FAM161A: variants seen among roughly 807,000 people sequenced by gnomAD.
FAM161A encodes protein FAM161A.
A neutral mutation model predicts 70.9 loss-of-function variants in FAM161A; 57 were observed. The observed-to-expected ratio is 0.80, with a 90% CI of 0.65 to 1.00. FAM161A has a LOEUF of 1.00. FAM161A is among the 50% of genes least tolerant of loss of function. The probability of loss-of-function intolerance (pLI) is 0.00; values close to 1 mark genes in which losing one functional copy is unlikely to be tolerated. For synonymous variants in FAM161A, 299 were observed against 295.7 expected (o/e 1.01, Z -0.12); for missense variants, 880 against 836.0 (o/e 1.05, Z -0.65).
Position 61,853,882 on chromosome 2 carries a change from C to A in FAM161A, c.160G>T (p.Val54Leu). The A allele has an allele frequency of 6.2e-7, 1 of 1,613,974 alleles. No individual in the cohort carries two copies. Among genetic ancestry groups the A allele is most frequent in the Non-Finnish European group, 8.5e-7 (1 of 1,179,836 alleles). The change falls in exon 1 of 7, where the codon GTG (valine) becomes TTG (leucine). Residue 54 changes from valine (V) to leucine (L), a missense_variant. Transcript: ENST00000404929. ...ACCGATGCCCCAGCGGGCTGAGCCA[C>A]TTTCTCCTCCTCTTCGTCCTCCAAG... is the stretch of plus-strand genomic sequence containing the variant. ...AILEDEEEEK[V>L]AQPAGASADL...
chr2:61,810,288 G>A, the FAM161A span, among the ~76,000 whole-genome samples: 2 of 151,992 alleles, frequency 1.3e-5, no homozygotes, highest in Non-Finnish European at 2.9e-5. Context: ...ATTACTGTGG[G>A]CAGTTAAAGC....
At chr2:61,803,307 T>C in the FAM161A span, 10 of 644,698 alleles carry the variant, frequency 1.6e-5, no homozygotes, top group Admixed American at 1.2e-4. Context: ...CCTTGGATTA[T>C]GTAAAGTAAA....
intron 5 of FAM161A, among the ~76,000 whole-genome samples, chr2:61,832,945 T>G: frequency 6.6e-6 from 1 of 152,050 alleles, no homozygotes; most frequent in East Asian, 1.9e-4. Flanking sequence ...AGGACACTTG[T>G]GGGCTCCAGG....
intron 1 of FAM161A, among the ~76,000 whole-genome samples, chr2:61,844,535 C>T (rs368738970): frequency 6.6e-6 from 1 of 152,022 alleles, no homozygotes; most frequent in Non-Finnish European, 1.5e-5. Flanking sequence ...CCCCTCTCTA[C>T]TAAAAATACA....
intron 3 of FAM161A, among the ~76,000 whole-genome samples, chr2:61,838,906 G>A (rs191388585): frequency 1.8e-5 from 2 of 111,430 alleles, no homozygotes; most frequent in African/African-American, 7.6e-5. Context: ...TTTTTGAGAT[G>A]GAGTCTCGCT....
Position 61,825,639 on chromosome 2 carries a change from C to CTT in FAM161A, c.*814_*815dup, listed in dbSNP as rs759062810. ...TTGCAAGTATCCATTTTTTTCTATA[C>CTT]TTTTTTTTTTTTTTTGGAGACGGAG... On this transcript the variant is annotated 3_prime_UTR_variant, in exon 7 of 7. Coordinates refer to ENST00000404929, the MANE Select transcript of FAM161A (RefSeq NM_001201543.2). 497 of 397,562 alleles carry CTT rather than the reference C, an allele frequency of 1.3e-3. No individual in the cohort carries two copies. Among genetic ancestry groups the CTT allele is most frequent in the South Asian group, 2.0e-3 (108 of 53,936 alleles). 24.6% of individuals were successfully genotyped at this position (397,562 alleles called of 1,614,324 possible).
At chr2:61,815,297 T>C in the FAM161A span, among the ~76,000 whole-genome samples, 1 of 152,142 alleles carries the variant, frequency 6.6e-6, no homozygotes, top group East Asian at 1.9e-4. Context: ...CAAAGTTAGG[T>C]AGAAAACCTT....
At chr2:61,828,759 G>A (rs1353751733) in intron 5 of FAM161A, among the ~76,000 whole-genome samples, 1 of 152,184 alleles carries the variant, frequency 6.6e-6, no homozygotes, top group Non-Finnish European at 1.5e-5. Context: ...ATAACAAAAA[G>A]AATATGAATT....
the FAM161A span, among the ~76,000 whole-genome samples, chr2:61,807,661 A>T: frequency 7.8e-6 from 1 of 128,570 alleles, no homozygotes; most frequent in Admixed American, 8.2e-5. Flanking sequence ...TTTTGTTGAG[A>T]CAAGGTCTTG....
the FAM161A span, among the ~76,000 whole-genome samples, chr2:61,815,565 T>G: frequency 7.5e-6 from 1 of 134,172 alleles, no homozygotes; most frequent in Non-Finnish European, 1.6e-5. Context: ...TTTTTTTTTT[T>G]TTTGAGATGG....
chr2:61,840,650 A>G (rs919895177), intron 2 of FAM161A, 69 bp from the exon 3 acceptor site: 3 of 1,277,902 alleles, frequency 2.3e-6, no homozygotes, highest in Admixed American at 1.8e-5. Flanking sequence ...TAAGAGTTAC[A>G]TATTTTCTTT....
chr2:61,832,912 G>A (rs941427398), intron 5 of FAM161A, among the ~76,000 whole-genome samples: 2 of 152,176 alleles, frequency 1.3e-5, no homozygotes, highest in African/African-American at 2.4e-5. Context: ...CTGGCCTAGA[G>A]AGAAACCATT....
Position 61,853,923 on chromosome 2 carries a change from G to A in FAM161A, c.119C>T (p.Ala40Val). The A allele has an allele frequency of 6.2e-7, 1 of 1,613,972 alleles. No homozygotes were observed. Among genetic ancestry groups the A allele is most frequent in the South Asian group, 1.1e-5 (1 of 91,088 alleles). ...YEREDPLKAL[A>V]AAEAILEDEE... ...GTCCTCCAAGATCGCCTCCGCTGCC[G>A]CCAGGGCCTTTAAGGGGTCTTCGCG... is the stretch of plus-strand genomic sequence containing the variant. Residue 40 changes from alanine to valine, a missense_variant, in exon 1 of 7, where the codon GCG becomes GTG. Coordinates refer to ENST00000404929, the MANE Select transcript of FAM161A (RefSeq NM_001201543.2).
downstream of FAM161A, among the ~76,000 whole-genome samples, chr2:61,820,843 C>T (rs1672187985): frequency 6.6e-6 from 1 of 152,142 alleles, no homozygotes; most frequent in East Asian, 1.9e-4. Context: ...GAAAATATAA[C>T]TACAAAATAC....
chr2:61,823,078 T>TA (rs937247721), downstream of FAM161A, among the ~76,000 whole-genome samples: 1 of 149,494 alleles, frequency 6.7e-6, no homozygotes, highest in African/African-American at 2.5e-5. Flanking sequence ...CTCATGCCTG[T>TA]AATCCCAGCA....
the FAM161A span, among the ~76,000 whole-genome samples, chr2:61,804,794 G>GAAAGAAAGAAAGAAAGAAAGAAAGAA: frequency 1.4e-5 from 2 of 138,942 alleles, no homozygotes; most frequent in South Asian, 4.9e-4. Flanking sequence ...AAGAAAGAAA[G>GAAAGAAAGAAAGAAAGAAAGAAAGAA]AAAGAAAGAA....
intron 4 of FAM161A, chr2:61,836,382 T>C: frequency 3.3e-6 from 1 of 299,778 alleles, no homozygotes. Context: ...CTTTAATTTC[T>C]GAAATCCTCA....
intron 1 of FAM161A, among the ~76,000 whole-genome samples, chr2:61,845,024 G>A (rs1308916483): frequency 6.6e-6 from 1 of 152,190 alleles, no homozygotes; most frequent in Non-Finnish European, 1.5e-5. Flanking sequence ...CAGGAAACAT[G>A]TGGATAAATG....
At chr2:61,806,704 TTTTTTTG>T in the FAM161A span, among the ~76,000 whole-genome samples, 1 of 126,472 alleles carries the variant, frequency 7.9e-6, no homozygotes, top group African/African-American at 3.1e-5. Context: ...TTTTTTTTTT[TTTTTTTG>T]AGACAGAGTC....
Sources: allele counts gnomAD v4.1 joint callset (sites outside exome capture counted in the v4.1 genomes callset), GRCh38; gene constraint gnomAD v4.1.1; transcripts MANE v1.5; gene names NCBI Gene and HGNC (gene_info 2026-07-23, HGNC 2026-07-21).